CENPF: variants seen among roughly 807,000 people sequenced by gnomAD.
The protein encoded by CENPF is centromere protein F, also known as AH antigen.
In CENPF, 214 loss-of-function variants were observed where a neutral mutation model predicts 307.3. The ratio of observed to expected loss-of-function variants is 0.70; its 90% CI spans 0.62 to 0.78. CENPF has a LOEUF of 0.78. Among genes scored for constraint, CENPF ranks in the 30% least tolerant of loss-of-function variants. CENPF has a pLI of 0.00. For missense variants in CENPF, 3,401 were observed against 3,483.9 expected, an observed-to-expected ratio of 0.98 and a Z score of 0.60; for synonymous variants, 1,259 against 1,270.6, an observed-to-expected ratio of 0.99 and a Z score of 0.19.
chr1:214,651,078 G>C (rs1380632108), intron 14 of CENPF, among the ~76,000 whole-genome samples: 1 of 152,196 alleles, frequency 6.6e-6, no homozygotes, highest in East Asian at 1.9e-4. Flanking sequence ...TTTTTAGGAA[G>C]AGCTGGGACG....
chr1:214,631,317 A>G (rs1657801952), intron 9 of CENPF, among the ~76,000 whole-genome samples: 1 of 152,104 alleles, frequency 6.6e-6, no homozygotes, highest in Admixed American at 6.5e-5. Context: ...TGCTGCCTCT[A>G]CTGATGGATA....
In CENPF at chr1:214,638,086, A is replaced by G. The variant is rs570227762; in HGVS notation, c.1582+85A>G. 7 of 1,328,734 alleles carry G rather than the reference A, an allele frequency of 5.3e-6. No homozygotes were observed. The South Asian group carries it at 9.5e-5, about 18-fold the overall frequency. 82.3% of individuals were successfully genotyped at this position (1,328,734 alleles called of 1,614,324 possible). A position where few individuals can be genotyped will look rare whatever the true frequency, so the allele number is the denominator to read the frequency against. Reference sequence around the variant, plus strand: ...TGGATGGCATTAACATATTAGAGAAACTCTTTGGATTTTTTTTCATATATT... The same window carrying G: ...TGGATGGCATTAACATATTAGAGAAGCTCTTTGGATTTTTTTTCATATATT... On this transcript the variant is annotated intron_variant, in intron 11 of 19. Coordinates refer to ENST00000366955, the MANE Select transcript of CENPF (RefSeq NM_016343.4).
rs1331976616 is a variant in CENPF, at chr1:214,605,968, C to T, written c.-42+2647C>T. 1.8e-5 allele frequency: 29 copies of T among 1,597,130 alleles called. No homozygotes were observed. In the South Asian group the frequency reaches 3.2e-4, roughly 18 times the overall value. On this transcript the variant is annotated intron_variant, in intron 1 of 19. Coordinates refer to ENST00000366955, the MANE Select transcript of CENPF (RefSeq NM_016343.4). ...AGGCGACGCGCATGCCCGAGGTGAGCGGCGAATGCAGCACCACCGCGGCAC... is the reference window on the plus strand; with the variant it reads ...AGGCGACGCGCATGCCCGAGGTGAGTGGCGAATGCAGCACCACCGCGGCAC...
Position 214,648,738 on chromosome 1 carries a change from ACAG to A in CENPF, c.7898_7900del (p.Ala2633del). The A allele has an allele frequency of 6.2e-7, 1 of 1,614,130 alleles. No individual in the cohort carries two copies. Among genetic ancestry groups the A allele is most frequent in the Non-Finnish European group, 8.5e-7 (1 of 1,179,990 alleles). On this transcript the variant is annotated inframe_deletion, in exon 14 of 20. Coordinates refer to ENST00000366955, the MANE Select transcript of CENPF (RefSeq NM_016343.4). ...GGAAATGCATGAGATGGCACAGAAA[ACAG>A]CAGAGCTGCAAGAAGAACTCAGTGG...
At chr1:214,651,326 C>T (rs376332817) in intron 14 of CENPF, among the ~76,000 whole-genome samples, 125 of 152,204 alleles carry the variant, frequency 8.2e-4, no homozygotes, top group African/African-American at 2.9e-3. Context: ...AATGCAAGTC[C>T]GGAGGGGATT....
intron 13 of CENPF, chr1:214,648,032 C>T: frequency 2.2e-6 from 1 of 464,502 alleles, no homozygotes. Flanking sequence ...AAGTTTTGGC[C>T]CAGTGAGCTT....
At chr1:214,630,807 A>G (rs1045035461) in intron 9 of CENPF, 145 bp downstream of exon 9, 65 of 1,061,128 alleles carry the variant, frequency 6.1e-5, no homozygotes, top group Admixed American at 2.0e-4. Context: ...GAATGTACAG[A>G]ACCATTCTGG....
rs778385051 is a variant in CENPF at position 214,630,678 on chromosome 1, C to G, written c.1323+16C>G. The G allele has an allele frequency of 2.7e-5, 44 of 1,612,750 alleles. No homozygotes were observed. In the Middle Eastern group the frequency reaches 2.8e-3, roughly 103 times the overall value. ...ACTGGATAAAGTAGGGGCCGTGTCTCTCTCTCTCTCCTTAATCATCCCCTC... is the reference window on the plus strand; with the variant it reads ...ACTGGATAAAGTAGGGGCCGTGTCTGTCTCTCTCTCCTTAATCATCCCCTC... On this transcript the variant is annotated intron_variant, in intron 9 of 19. Coordinates refer to ENST00000366955, the MANE Select transcript of CENPF (RefSeq NM_016343.4).
In CENPF at chr1:214,640,142, T is replaced by G; in HGVS notation, c.1804T>G (p.Leu602Val). ...EKESKALLSA[L>V]ELKKKEYEEL... ...AGAGTCCAAAGCCTTGCTGAGTGCT[T>G]TAGAGTTAAAAAAGAAAGAATATGA... Residue 602 changes from leucine to valine, a missense_variant, in exon 12 of 20, where the codon TTA (leucine) becomes GTA (valine). Physicochemically the swap from Leu to Val is conservative, Grantham distance 32. Transcript: ENST00000366955. 1 of 1,586,452 alleles carries G rather than the reference T, an allele frequency of 6.3e-7. No individual in the cohort carries two copies. Among genetic ancestry groups the G allele is most frequent in the Non-Finnish European group, 8.5e-7 (1 of 1,173,024 alleles).
chr1:214,655,684 A>G (rs1433623416), intron 17 of CENPF, among the ~76,000 whole-genome samples: 1 of 152,030 alleles, frequency 6.6e-6, no homozygotes. Flanking sequence ...TGCAGCCTCG[A>G]CCTCAAAGCG....
intron 13 of CENPF, chr1:214,648,059 A>G: frequency 2.4e-6 from 1 of 424,334 alleles, no homozygotes; most frequent in Non-Finnish European, 4.8e-6. Context: ...TGATCTAGGA[A>G]AGTGATTTTG....
chr1:214,640,009 G>T lies in CENPF; in HGVS notation c.1671G>T (p.Lys557Asn). The T allele has an allele frequency of 1.3e-6, 2 of 1,592,712 alleles. No individual in the cohort carries two copies. Among genetic ancestry groups the T allele is most frequent in the Admixed American group, 3.8e-5 (2 of 52,880 alleles). ...ACTCCTTGACTTTAGAAAAACTGAA[G>T]CTTGCTGTGGCTGATCTGGAAAAGC... ...QENSLTLEKL[K>N]LAVADLEKQR... is the part of the protein sequence containing the mutation. The change falls in exon 12 of 20, where the codon AAG becomes AAT. Residue 557 changes from lysine (K) to asparagine (N), a missense_variant. Physicochemically the swap from Lys to Asn is moderately conservative, Grantham distance 94. Coordinates refer to ENST00000366955, the MANE Select transcript of CENPF (RefSeq NM_016343.4).
intron 1 of CENPF, among the ~76,000 whole-genome samples, chr1:214,606,855 T>C (rs1657047902): frequency 6.6e-6 from 1 of 152,124 alleles, no homozygotes; most frequent in Admixed American, 6.5e-5. Flanking sequence ...GGGACCCACC[T>C]GCCACCCTGC....
chr1:214,605,727 G>C, intron 1 of CENPF: 1 of 1,594,052 alleles, frequency 6.3e-7, no homozygotes, highest in South Asian at 1.1e-5. Context: ...AGGCCCTCCA[G>C]GTACTGGCTG....
intron 1 of CENPF, among the ~76,000 whole-genome samples, chr1:214,612,181 G>A (rs1378807940): frequency 2.6e-5 from 4 of 152,094 alleles, no homozygotes; most frequent in Admixed American, 6.6e-5. Context: ...AGTTTTTAAC[G>A]TGAAGGGATG....
chr1:214,656,782 G>A (rs1658642604), intron 17 of CENPF, 151 bp from the exon 18 acceptor site: 1 of 592,108 alleles, frequency 1.7e-6, no homozygotes, highest in Non-Finnish European at 3.0e-6. Context: ...AGAGTTGTTT[G>A]AACTATAAGA....
At position 214,659,242 on chromosome 1, in the gene CENPF, A is replaced by AT. The variant is rs913595432; in HGVS notation, c.9141+215dup. On this transcript the variant is annotated intron_variant, in intron 19 of 19. Coordinates refer to ENST00000366955, the MANE Select transcript of CENPF (RefSeq NM_016343.4). The surrounding 1 kb of genome is among the most constrained non-coding windows in gnomAD (Gnocchi z 4.4). ...TCATCCTTCAGTCAACAGGCCGCTT[A>AT]TATGTAGTTTGATGGAAAATGGCAT... 6.6e-5 allele frequency among the ~76,000 whole-genome samples: 10 copies of AT among 152,180 alleles called. No individual in the cohort carries two copies. The highest frequency in any genetic ancestry group is 2.4e-4 in the African/African-American group (10 of 41,448).
At chr1:214,617,026 CTTTCTTTCTT>C in intron 3 of CENPF, among the ~76,000 whole-genome samples, 1 of 140,174 alleles carries the variant, frequency 7.1e-6, no homozygotes, top group Non-Finnish European at 1.5e-5. Flanking sequence ...TTCTCTTTCT[CTTTCTTTCTT>C]TCTTCTTTTT....
At chr1:214,631,083 AT>A (rs879333482) in intron 9 of CENPF, among the ~76,000 whole-genome samples, 2 of 152,220 alleles carry the variant, frequency 1.3e-5, no homozygotes, top group Non-Finnish European at 2.9e-5. Context: ...CTGGATGTCT[AT>A]TCTAGACTTC....
Sources: allele counts gnomAD v4.1 joint callset (sites outside exome capture counted in the v4.1 genomes callset), GRCh38; gene constraint gnomAD v4.1.1; non-coding constraint Gnocchi (gnomAD v3.1); transcripts MANE v1.5; gene names NCBI Gene and HGNC (gene_info 2026-07-23, HGNC 2026-07-21).